The following CEP295 variants were observed in gnomAD, a reference collection of about 807,000 sequenced individuals.
CEP295 encodes the protein centrosomal protein of 295 kDa.
Under a neutral mutation model 291.6 loss-of-function variants are expected in CEP295, and 190 were observed. The ratio of observed to expected loss-of-function variants is 0.65; its 90% confidence interval spans 0.58 to 0.73. The LOEUF (loss-of-function observed/expected upper bound fraction) is 0.73, where lower values mean the gene tolerates loss of function less well. CEP295 is among the 30% of genes least tolerant of loss of function. The pLI is 0.00. For missense variants in CEP295, 2,863 were observed against 2,949.4 expected (o/e 0.97, Z 0.68); for synonymous variants, 993 against 1,038.8 (o/e 0.96, Z 0.85).
rs1163751947 is a variant in CEP295 at position 93,667,197 on chromosome 11, T to C, written c.108+382T>C. Among the ~76,000 whole-genome samples the C allele has an allele frequency of 3.3e-5, 5 of 152,174 alleles. No individual in the cohort carries two copies. The East Asian group carries it at 9.6e-4, about 29-fold the overall frequency. ...TTTCTAGAAGTGTTTTTAAAGTAAG[T>C]TTTTGTGAAGTATGTTTCAGGCACC... On this transcript the variant is annotated intron_variant, in intron 2 of 29. Transcript: ENST00000325212.
intron 1 of CEP295, among the ~76,000 whole-genome samples, chr11:93,663,199 A>G (rs1055418880): frequency 2.0e-5 from 3 of 152,338 alleles, no homozygotes; most frequent in Admixed American, 6.5e-5. Context: ...AGCCACTGAC[A>G]GTGGCAGGCC....
intron 18 of CEP295, among the ~76,000 whole-genome samples, chr11:93,717,368 C>A (rs192974371): frequency 6.6e-6 from 1 of 152,306 alleles, no homozygotes; most frequent in East Asian, 1.9e-4. Flanking sequence ...CAAAGCTGAG[C>A]GTCTGACCTG....
chr11:93,683,346 A>G (rs185925046), intron 7 of CEP295, among the ~76,000 whole-genome samples: 109 of 152,320 alleles, frequency 7.2e-4, no homozygotes, highest in African/African-American at 2.4e-3. Context: ...CTACTAGGGT[A>G]GGGTTGAGAT....
intron 6 of CEP295, among the ~76,000 whole-genome samples, chr11:93,676,472 C>G (rs1177263814): frequency 2.0e-5 from 3 of 151,860 alleles, no homozygotes; most frequent in African/African-American, 7.3e-5. Context: ...AATTTTATAG[C>G]ATTCCTGTGG....
At chr11:93,701,394 A>G (rs949314276) in intron 15 of CEP295, among the ~76,000 whole-genome samples, 1 of 152,164 alleles carries the variant, frequency 6.6e-6, no homozygotes, top group Non-Finnish European at 1.5e-5. Context: ...GCCACTTCCT[A>G]AATTTATTAT....
intron 9 of CEP295, among the ~76,000 whole-genome samples, chr11:93,685,494 A>G (rs542061808): frequency 6.6e-6 from 1 of 152,260 alleles, no homozygotes; most frequent in Admixed American, 6.5e-5. Context: ...CTATGCCTAC[A>G]TTGTTGTCCA....
At chr11:93,662,235 T>G (rs984685866) in intron 1 of CEP295, among the ~76,000 whole-genome samples, 1 of 152,218 alleles carries the variant, frequency 6.6e-6, no homozygotes, top group Non-Finnish European at 1.5e-5. Context: ...AAACTCAACT[T>G]TTAAAACAAT....
intron 11 of CEP295, 43 bp downstream of exon 11, chr11:93,691,818 G>C (rs565475144): frequency 7.4e-7 from 1 of 1,350,700 alleles, no homozygotes; most frequent in Non-Finnish European, 1.0e-6. Flanking sequence ...TTGACTCCTT[G>C]CATCTTTTTT....
At chr11:93,704,175 T>C (rs184777745) in intron 17 of CEP295, among the ~76,000 whole-genome samples, 250 of 152,300 alleles carry the variant, frequency 1.6e-3, no homozygotes, top group African/African-American at 5.7e-3. Flanking sequence ...AAATAAATTA[T>C]TTTTTAAAGG....
chr11:93,676,751 A>AAT (rs1950713840), intron 6 of CEP295, among the ~76,000 whole-genome samples: 1 of 151,960 alleles, frequency 6.6e-6, no homozygotes, highest in African/African-American at 2.4e-5. Context: ...ATTGATGATG[A>AAT]ATTTTTTTTT....
Position 93,683,351 on chromosome 11 carries a change from T to C in CEP295, c.766-208T>C, listed in dbSNP as rs563837241. ...GTTGGTCTTACTACTAGGGTAGGGT[T>C]GAGATTGTGTCCCTAGCACTTAATG... On this transcript the variant is annotated intron_variant, in intron 7 of 29. Transcript: ENST00000325212. Among the ~76,000 whole-genome samples, 7 of 152,332 alleles carry C rather than the reference T, an allele frequency of 4.6e-5. No individual in the cohort carries two copies. In the South Asian group the frequency reaches 8.3e-4, roughly 18 times the overall value.
Position 93,699,519 on chromosome 11 carries a change from A to G in CEP295, c.4607A>G (p.Glu1536Gly). ...QEELLLQRLS[E>G]LEKRVSSEQV... is the part of the protein sequence containing the mutation. ...GAATTGCTTTTGCAAAGATTAAGTG[A>G]ATTGGAGAAAAGGGTATCATCTGAA... The change falls in exon 15 of 30, where the codon GAA (glutamate) becomes GGA (glycine). Residue 1536 changes from glutamate (E) to glycine (G), a missense_variant. Around this residue, in one of 3 missense-constraint regions of CEP295, gnomAD observed 2,295 missense variants for 2,335.7 expected, o/e 0.98. Coordinates refer to ENST00000325212, the MANE Select transcript of CEP295 (RefSeq NM_033395.2). 12 of 1,551,828 alleles carry G rather than the reference A, an allele frequency of 7.7e-6. No homozygotes were observed. The highest frequency in any genetic ancestry group is 2.0e-5 in the Admixed American group (1 of 51,006).
intron 5 of CEP295, among the ~76,000 whole-genome samples, chr11:93,674,435 A>G (rs1196357185): frequency 6.6e-6 from 1 of 152,202 alleles, no homozygotes; most frequent in Non-Finnish European, 1.5e-5. Context: ...GCATGGTGGT[A>G]CATGCTTGTA....
chr11:93,686,345 T>C (rs1445284856), intron 9 of CEP295, among the ~76,000 whole-genome samples: 1 of 152,010 alleles, frequency 6.6e-6, no homozygotes, highest in African/African-American at 2.4e-5. Context: ...ATTTTTACTC[T>C]TTCATGCAGC....
rs1473011811 is a variant in CEP295 at position 93,706,742 on chromosome 11, C to A, written c.5597-3C>A. On this transcript the variant is annotated splice_region_variant and splice_polypyrimidine_tract_variant and intron_variant, in intron 17 of 29. Coordinates refer to ENST00000325212, the MANE Select transcript of CEP295 (RefSeq NM_033395.2). The stretch of plus-strand genomic sequence containing the variant: ...TGAAGTGGAAATATTTTTTCCCCCC[C>A]AGGTAAACCAGGTATTTATGAAGAC... The A allele has an allele frequency of 1.3e-6, 2 of 1,511,438 alleles. No individual in the cohort carries two copies. Among genetic ancestry groups the A allele is most frequent in the Admixed American group, 2.4e-5 (1 of 41,302 alleles). 93.6% of individuals were successfully genotyped at this position (1,511,438 alleles called of 1,614,324 possible).
intron 5 of CEP295, among the ~76,000 whole-genome samples, chr11:93,673,522 C>T (rs1294230320): frequency 1.3e-5 from 2 of 151,902 alleles, no homozygotes; most frequent in Admixed American, 1.3e-4. Flanking sequence ...GAGACAGAAT[C>T]TTATTCTGTC....
At chr11:93,702,954 AT>A (rs761561774) in intron 17 of CEP295, 35 bp downstream of exon 17, 7 of 1,509,802 alleles carry the variant, frequency 4.6e-6, no homozygotes, top group Non-Finnish European at 6.2e-6. Flanking sequence ...AGATTTTTAA[AT>A]AATTTGCCAG....
chr11:93,693,088 T>C (rs921298461), intron 12 of CEP295, among the ~76,000 whole-genome samples: 37 of 60,006 alleles, frequency 6.2e-4, no homozygotes, highest in African/African-American at 1.4e-3. Context: ...CCATCCTGGC[T>C]AACACGGTGA....
At position 93,699,218 on chromosome 11, in the gene CEP295, C is replaced by T. The variant is rs533976841; in HGVS notation, c.4306C>T (p.Pro1436Ser). The T allele has an allele frequency of 1.2e-4, 183 of 1,551,880 alleles. No homozygotes were observed. Among genetic ancestry groups the T allele is most frequent in the Non-Finnish European group, 1.5e-4 (175 of 1,147,008 alleles). Residue 1436 changes from proline to serine, a missense_variant, in exon 15 of 30, where the codon CCA becomes TCA. Around this residue, in one of 3 missense-constraint regions of CEP295, gnomAD observed 2,295 missense variants for 2,335.7 expected, o/e 0.98. Coordinates refer to ENST00000325212, the MANE Select transcript of CEP295 (RefSeq NM_033395.2). ...AGTATCCTCAGGTCACTCAGAGATA[C>T]CAACATTGCCTGATGGGCTGTTGGG... ...NIVSSGHSEI[P>S]TLPDGLLGLS...
Sources: allele counts gnomAD v4.1 joint callset (sites outside exome capture counted in the v4.1 genomes callset), GRCh38; gene constraint gnomAD v4.1.1; regional missense constraint gnomAD v4.1.1; transcripts MANE v1.5; gene names NCBI Gene and HGNC (gene_info 2026-07-23, HGNC 2026-07-21).